CCSER1: variants seen among roughly 807,000 people sequenced by gnomAD.
The protein encoded by CCSER1 is coiled-coil serine rich protein 1, also known as serine-rich coiled-coil domain-containing protein 1.
Under a neutral mutation model 82.0 loss-of-function variants are expected in CCSER1, and 41 were observed. The ratio of observed to expected loss-of-function variants is 0.50; its 90% CI spans 0.39 to 0.65. The LOEUF is 0.65. CCSER1 is among the 30% of genes least tolerant of loss of function. CCSER1 has a pLI of 0.00. For synonymous variants in CCSER1, 414 were observed against 383.9 expected (o/e 1.08, Z -0.92); for missense variants, 1,119 against 1,064.2 (o/e 1.05, Z -0.72).
chr4:90,222,453 A>G (rs1158169844), intron 1 of CCSER1, among the ~76,000 whole-genome samples: 4 of 152,182 alleles, frequency 2.6e-5, no homozygotes, highest in Non-Finnish European at 5.9e-5. Flanking sequence ...CTTCTCTTTT[A>G]AAGGCAAGTT....
At chr4:90,736,549 G>A (rs1482447813) in intron 7 of CCSER1, among the ~76,000 whole-genome samples, 2 of 151,902 alleles carry the variant, frequency 1.3e-5, no homozygotes, top group Non-Finnish European at 2.9e-5. Context: ...CCATTTGCAA[G>A]GAATATCTTT....
intron 9 of CCSER1, among the ~76,000 whole-genome samples, chr4:91,049,639 T>A (rs1176901070): frequency 6.6e-6 from 1 of 152,214 alleles, no homozygotes; most frequent in African/African-American, 2.4e-5. Context: ...AGTAATCAAA[T>A]TGTGTCATTC....
chr4:90,220,228 T>C (rs1741870844), intron 1 of CCSER1, among the ~76,000 whole-genome samples: 1 of 152,170 alleles, frequency 6.6e-6, no homozygotes, highest in Admixed American at 6.5e-5. Flanking sequence ...ACAGTATAGA[T>C]AGGACTTGGT....
At chr4:90,637,333 A>G (rs888074238) in intron 6 of CCSER1, among the ~76,000 whole-genome samples, 4 of 152,252 alleles carry the variant, frequency 2.6e-5, no homozygotes, top group African/African-American at 9.6e-5. Context: ...TGACTACACA[A>G]TCTGAGAGAG....
intron 4 of CCSER1, among the ~76,000 whole-genome samples, chr4:90,418,163 T>C (rs1756098957): frequency 6.6e-6 from 1 of 152,096 alleles, no homozygotes; most frequent in Admixed American, 6.6e-5. Context: ...TGTATCTACC[T>C]CATAAATTTG....
chr4:90,578,301 A>G (rs1221898134), intron 5 of CCSER1, among the ~76,000 whole-genome samples: 1 of 152,168 alleles, frequency 6.6e-6, no homozygotes, highest in Non-Finnish European at 1.5e-5. Context: ...TCAAGAAGTC[A>G]GCAAGACCAC....
chr4:90,130,755 T>G (rs1032013065), intron 1 of CCSER1, among the ~76,000 whole-genome samples: 1 of 146,846 alleles, frequency 6.8e-6, no homozygotes, highest in African/African-American at 2.5e-5. Context: ...TCCGGAGTAG[T>G]TGGGACTACA....
chr4:91,182,612 T>C (rs1363999233), intron 10 of CCSER1, among the ~76,000 whole-genome samples: 5 of 152,174 alleles, frequency 3.3e-5, no homozygotes, highest in Non-Finnish European at 7.4e-5. Flanking sequence ...ATATTCCACA[T>C]AGAGAAAAAT....
At chr4:91,408,208 C>CT (rs1752817954) in intron 10 of CCSER1, among the ~76,000 whole-genome samples, 1 of 152,178 alleles carries the variant, frequency 6.6e-6, no homozygotes, top group Non-Finnish European at 1.5e-5. Context: ...GTAAATATTT[C>CT]TTTTCACTTC....
At chr4:90,935,124 A>G (rs1361935606) in intron 9 of CCSER1, among the ~76,000 whole-genome samples, 1 of 152,100 alleles carries the variant, frequency 6.6e-6, no homozygotes, top group African/African-American at 2.4e-5. Context: ...ACTCTTAATT[A>G]CTGAATCTAG....
At chr4:91,161,785 A>C (rs1405900874) in intron 10 of CCSER1, among the ~76,000 whole-genome samples, 1 of 152,174 alleles carries the variant, frequency 6.6e-6, no homozygotes, top group African/African-American at 2.4e-5. Flanking sequence ...AACATGAAGC[A>C]ATAAGACATA....
intron 9 of CCSER1, among the ~76,000 whole-genome samples, chr4:90,927,315 G>A (rs951197222): frequency 3.9e-5 from 6 of 151,980 alleles, no homozygotes; most frequent in Admixed American, 3.3e-4. Context: ...TCATTAGCAT[G>A]TGTTTTACAC....
chr4:91,206,921 T>C (rs1483582828), intron 10 of CCSER1, among the ~76,000 whole-genome samples: 1 of 151,834 alleles, frequency 6.6e-6, no homozygotes, highest in Non-Finnish European at 1.5e-5. Context: ...TCTTAGACAT[T>C]GTAGTACTCA....
intron 10 of CCSER1, among the ~76,000 whole-genome samples, chr4:91,138,777 G>T (rs1040619901): frequency 6.7e-6 from 1 of 149,178 alleles, no homozygotes; most frequent in Admixed American, 6.7e-5. Flanking sequence ...GTGGGCGAAG[G>T]ACATGAACAG....
Position 90,449,586 on chromosome 4 carries a change from C to T in CCSER1, c.1604-18648C>T, listed in dbSNP as rs113552198. Among the ~76,000 whole-genome samples, 1,457 of 152,310 alleles carry T rather than the reference C, an allele frequency of 9.6e-3. 27 individuals are homozygous for T. The highest frequency in any genetic ancestry group is 0.033 in the African/African-American group (1,363 of 41,578). Reference sequence around the variant, plus strand: ...CTGCCCACAACCCTTCCCTTGGCCTCCCTCCCATGCTCATCAGCTCTGAAA... The same window carrying T: ...CTGCCCACAACCCTTCCCTTGGCCTTCCTCCCATGCTCATCAGCTCTGAAA... On this transcript the variant is annotated intron_variant, in intron 4 of 10. Coordinates refer to ENST00000509176, the MANE Select transcript of CCSER1 (RefSeq NM_001145065.2).
intron 10 of CCSER1, among the ~76,000 whole-genome samples, chr4:91,454,371 C>A (rs757152164): frequency 5.9e-5 from 9 of 151,964 alleles, no homozygotes; most frequent in Non-Finnish European, 1.3e-4. Flanking sequence ...TTAAAGCCAG[C>A]AGTATCTCAT....
chr4:90,265,640 A>G (rs1725104748), intron 1 of CCSER1, among the ~76,000 whole-genome samples: 1 of 152,082 alleles, frequency 6.6e-6, no homozygotes, highest in Non-Finnish European at 1.5e-5. Flanking sequence ...ACAAAATAAA[A>G]CGTATTGTTC....
chr4:91,305,257 CA>C (rs959672713), intron 10 of CCSER1, among the ~76,000 whole-genome samples: 1 of 150,974 alleles, frequency 6.6e-6, no homozygotes, highest in South Asian at 2.1e-4. Flanking sequence ...TTATAAAATG[CA>C]AAAAAAAGAA....
intron 8 of CCSER1, among the ~76,000 whole-genome samples, chr4:90,921,889 C>T (rs1728437003): frequency 6.6e-6 from 1 of 152,028 alleles, no homozygotes; most frequent in Admixed American, 6.6e-5. Flanking sequence ...AATGTTATTG[C>T]TCCTTTACCT....
Sources: gnomAD v4.1 joint callset for allele counts (sites outside exome capture counted in the v4.1 genomes callset) on GRCh38, gnomAD v4.1.1 for gene constraint, MANE v1.5 for transcripts, NCBI Gene and HGNC (gene_info 2026-07-23, HGNC 2026-07-21) for gene names.